FKBP1B: variants seen among roughly 807,000 people sequenced by gnomAD.
FKBP1B encodes peptidyl-prolyl cis-trans isomerase FKBP1B.
Under a neutral mutation model 13.5 loss-of-function variants are expected in FKBP1B, and 4 were observed. The ratio of observed to expected loss-of-function variants is 0.30; its 90% CI spans 0.15 to 0.68. The LOEUF (loss-of-function observed/expected upper bound fraction) is 0.68. Among genes scored for constraint, FKBP1B ranks in the 30% least tolerant of loss-of-function variants. The pLI is 0.76. For synonymous variants in FKBP1B, 54 were observed against 53.6 expected, an observed-to-expected ratio of 1.01 and a Z score of -0.03; for missense variants, 93 against 136.2, an observed-to-expected ratio of 0.68 and a Z score of 1.58.
the FKBP1B span, among the ~76,000 whole-genome samples, chr2:24,042,579 C>T: frequency 1.3e-5 from 2 of 148,814 alleles, no homozygotes; most frequent in East Asian, 3.9e-4. Flanking sequence ...TGTGGTGGCG[C>T]ATGCCTGTAA....
At chr2:24,053,286 GA>G (rs1337457420) in intron 1 of FKBP1B, among the ~76,000 whole-genome samples, 1 of 119,078 alleles carries the variant, frequency 8.4e-6, no homozygotes, top group Non-Finnish European at 1.8e-5. Context: ...TAATTGAAAA[GA>G]TTTTTTTTTT....
At chr2:24,048,345 C>T (rs1663698557), upstream of FKBP1B, among the ~76,000 whole-genome samples, 1 of 151,790 alleles carries the variant, frequency 6.6e-6, no homozygotes. Context: ...GTGTCTCACG[C>T]CTGTAATCCC....
chr2:24,062,582 G>A (rs1664442444), intron 3 of FKBP1B, among the ~76,000 whole-genome samples: 1 of 152,164 alleles, frequency 6.6e-6, no homozygotes, highest in Admixed American at 6.6e-5. Context: ...CAAAAGTGCT[G>A]GGATTACAGG....
At chr2:24,054,168 G>A in intron 2 of FKBP1B, 1 of 706,212 alleles carries the variant, frequency 1.4e-6, no homozygotes. Flanking sequence ...TACCAGCAAG[G>A]GCCATCCATG....
upstream of FKBP1B, among the ~76,000 whole-genome samples, chr2:24,049,140 AT>A: frequency 6.6e-6 from 1 of 152,240 alleles, no homozygotes; most frequent in Middle Eastern, 3.4e-3. Context: ...AGCGCATCTA[AT>A]TAAAGTGATG....
the FKBP1B span, among the ~76,000 whole-genome samples, chr2:24,043,900 G>A: frequency 6.8e-6 from 1 of 147,182 alleles, no homozygotes; most frequent in East Asian, 1.9e-4. Context: ...AAAAAAAAAA[G>A]GGTCTATTAT....
upstream of FKBP1B, among the ~76,000 whole-genome samples, chr2:24,049,226 C>T (rs1033966505): frequency 6.6e-6 from 1 of 152,104 alleles, no homozygotes; most frequent in Admixed American, 6.5e-5. Context: ...ATTAGCTGGG[C>T]GTGGTTGCTC....
At chr2:24,056,689 T>A (rs1317944049) in intron 2 of FKBP1B, among the ~76,000 whole-genome samples, 1 of 152,152 alleles carries the variant, frequency 6.6e-6, no homozygotes, top group Non-Finnish European at 1.5e-5. Flanking sequence ...TTAGGTTGTC[T>A]TTTTCTTTTT....
In FKBP1B at chr2:24,063,209, A is replaced by C. The variant is rs77743612; in HGVS notation, c.*17A>C. 10,431 of 1,566,718 alleles carry C rather than the reference A, an allele frequency of 6.7e-3. 69 individuals are homozygous for C. Among genetic ancestry groups the C allele is most frequent in the Non-Finnish European group, 6.8e-3 (7,876 of 1,157,140 alleles). The stretch of plus-strand genomic sequence containing the variant: ...TTAGAGTGAAGGCAGGAAGGAACTC[A>C]AGGTGGCTGGAGATGGCTGCTGCTC... On this transcript the variant is annotated 3_prime_UTR_variant, in exon 4 of 4. Coordinates refer to ENST00000380986, the MANE Select transcript of FKBP1B (RefSeq NM_004116.5).
At chr2:24,051,068 G>A (rs1338772885) in intron 1 of FKBP1B, among the ~76,000 whole-genome samples, 1 of 152,162 alleles carries the variant, frequency 6.6e-6, no homozygotes, top group Non-Finnish European at 1.5e-5. Context: ...AAATGCAGTG[G>A]CTCACGCCTG....
intron 2 of FKBP1B, chr2:24,054,353 A>G (rs1388798794): frequency 1.7e-5 from 5 of 298,660 alleles, no homozygotes; most frequent in African/African-American, 1.1e-4. Context: ...GGGAGAGGAC[A>G]GACAAGTCAC....
Position 24,050,471 on chromosome 2 carries a change from A to G in FKBP1B, c.37+585A>G, listed in dbSNP as rs1253036073. On this transcript the variant is annotated intron_variant, in intron 1 of 3. Transcript: ENST00000380986. The surrounding 1 kb of genome is among the most constrained non-coding windows in gnomAD (Gnocchi z 5.8). ...TTCAGACTCCCTGGCCACCCTGTCCACTCCCATGGCCTCCACATTGAAGCT... is the reference window on the plus strand; with the variant it reads ...TTCAGACTCCCTGGCCACCCTGTCCGCTCCCATGGCCTCCACATTGAAGCT... Among the ~76,000 whole-genome samples the G allele has an allele frequency of 6.6e-6, 1 of 151,514 alleles. No homozygotes were observed. The highest frequency in any genetic ancestry group is 2.4e-5 in the African/African-American group (1 of 41,200).
upstream of FKBP1B, chr2:24,049,711 C>G (rs1663754048): frequency 4.9e-6 from 3 of 613,102 alleles, no homozygotes; most frequent in Admixed American, 4.4e-5. Flanking sequence ...CCGCGCAGGT[C>G]CCGACTCCAG....
chr2:24,037,603 A>C, the FKBP1B span: 1 of 1,418,220 alleles, frequency 7.1e-7, no homozygotes. Context: ...CTTCCTCATC[A>C]ATACGTTTCT....
the FKBP1B span, chr2:24,033,288 T>C: frequency 1.8e-5 from 8 of 435,050 alleles, no homozygotes; most frequent in African/African-American, 1.2e-4. Flanking sequence ...GTTTCAGATA[T>C]AGCTAAGACA....
chr2:24,056,241 C>T (rs1230948413), intron 2 of FKBP1B, among the ~76,000 whole-genome samples: 1 of 151,926 alleles, frequency 6.6e-6, no homozygotes, highest in Non-Finnish European at 1.5e-5. Context: ...CTGCCTGCCT[C>T]GGCCTCTCAA....
Position 24,063,288 on chromosome 2 carries a change from TCA to T in FKBP1B, c.*97_*98del. ...CGGCTCCTGCTTTTGGGGCTCTTGATCAGTGTGCTAACCTCACTGCCTCATGG... is the reference window on the plus strand; with the variant it reads ...CGGCTCCTGCTTTTGGGGCTCTTGATGTGTGCTAACCTCACTGCCTCATGG... On this transcript the variant is annotated 3_prime_UTR_variant, in exon 4 of 4. Coordinates refer to ENST00000380986, the MANE Select transcript of FKBP1B (RefSeq NM_004116.5). 8.0e-7 allele frequency: 1 copy of T among 1,242,826 alleles called. No individual in the cohort carries two copies. The highest frequency in any genetic ancestry group is 1.1e-6 in the Non-Finnish European group (1 of 913,360). The allele number at this position is 1,242,826 out of a possible 1,614,324, so 77.0% of individuals were successfully genotyped here.
In FKBP1B at chr2:24,050,973, C is replaced by T. The variant is rs1663840121; in HGVS notation, c.37+1087C>T. Reference sequence around the variant, plus strand: ...GCAGCCCCTGAGCTAATCTCCCCATCTTCAGTCTCTCCTCCCTGCTTTCAA... The same window carrying T: ...GCAGCCCCTGAGCTAATCTCCCCATTTTCAGTCTCTCCTCCCTGCTTTCAA... On this transcript the variant is annotated intron_variant, in intron 1 of 3. Transcript: ENST00000380986. This position sits in a 1 kb window ranked among gnomAD's most constrained non-coding sequence, Gnocchi z 5.8. 6.6e-6 allele frequency among the ~76,000 whole-genome samples: 1 copy of T among 152,234 alleles called. No homozygotes were observed. Among genetic ancestry groups the T allele is most frequent in the South Asian group, 2.1e-4 (1 of 4,830 alleles).
the FKBP1B span, among the ~76,000 whole-genome samples, chr2:24,036,563 T>A: frequency 2.0e-5 from 3 of 152,166 alleles, no homozygotes; most frequent in African/African-American, 7.2e-5. Context: ...ACTCTTCAAA[T>A]TTGCATTTCT....
Sources: gnomAD v4.1 joint callset for allele counts (sites outside exome capture counted in the v4.1 genomes callset) on GRCh38, gnomAD v4.1.1 for gene constraint, Gnocchi (gnomAD v3.1) non-coding constraint, MANE v1.5 for transcripts, NCBI Gene and HGNC (gene_info 2026-07-23, HGNC 2026-07-21) for gene names.